ARRB1: variants seen among roughly 807,000 people sequenced by gnomAD.
ARRB1 encodes arrestin beta 1.
A neutral mutation model predicts 56.8 loss-of-function variants in ARRB1; 21 were observed. The ratio of observed to expected loss-of-function variants is 0.37; its 90% confidence interval spans 0.26 to 0.53. ARRB1 has a LOEUF of 0.53. Ranked by LOEUF, ARRB1 falls within the 20% of genes least tolerant of loss-of-function variation. ARRB1 has a pLI of 0.88. For missense variants in ARRB1, 424 were observed against 553.7 expected (o/e 0.77, Z 2.35); for synonymous variants, 210 against 218.6 (o/e 0.96, Z 0.35).
chr11:75,287,448 C>A, intron 2 of ARRB1, 73 bp from the exon 3 acceptor site: 7 of 1,476,572 alleles, frequency 4.7e-6, no homozygotes, highest in South Asian at 1.2e-5. Context: ...TTGGAGGAAA[C>A]CCTGCGGGCA....
intron 15 of ARRB1, 49 bp downstream of exon 15, chr11:75,267,603 G>GCCC: frequency 1.3e-4 from 96 of 736,774 alleles, no homozygotes; most frequent in Middle Eastern, 8.6e-4. Context: ...CCTCCACCCC[G>GCCC]CCCACCCGCG....
At chr11:75,270,233 C>T (rs1381483320) in intron 13 of ARRB1, among the ~76,000 whole-genome samples, 1 of 152,226 alleles carries the variant, frequency 6.6e-6, no homozygotes, top group Admixed American at 6.5e-5. Flanking sequence ...GTGATCCTAG[C>T]ACTTTGGGAG....
chr11:75,271,775 GGAA>G, intron 12 of ARRB1, 51 bp from the exon 13 acceptor site: 1 of 1,537,684 alleles, frequency 6.5e-7, no homozygotes, highest in Non-Finnish European at 8.8e-7. Flanking sequence ...AGTTCAGAGA[GGAA>G]GAAAACAAAA....
chr11:75,266,923 T>C (rs1945933780), intron 15 of ARRB1, among the ~76,000 whole-genome samples: 1 of 152,012 alleles, frequency 6.6e-6, no homozygotes, highest in South Asian at 2.1e-4. Context: ...GAGGCTTGAG[T>C]GGGGTTTCAG....
At chr11:75,312,004 C>A in intron 1 of ARRB1, 1 of 1,278,742 alleles carries the variant, frequency 7.8e-7, no homozygotes, top group Non-Finnish European at 1.0e-6. Context: ...TGACCGTTCT[C>A]GAAGGCCCAG....
intron 1 of ARRB1, among the ~76,000 whole-genome samples, chr11:75,342,759 T>G (rs1947710117): frequency 1.3e-5 from 2 of 152,088 alleles, no homozygotes; most frequent in Non-Finnish European, 2.9e-5. Flanking sequence ...GGCACCTATT[T>G]AGGAAGTAGG....
At chr11:75,297,268 G>GA (rs61232550) in intron 1 of ARRB1, among the ~76,000 whole-genome samples, 204 of 139,028 alleles carry the variant, frequency 1.5e-3, no homozygotes, top group Middle Eastern at 0.011. Flanking sequence ...AAACTATCTT[G>GA]AAAAAAAAAA....
chr11:75,306,448 G>A (rs903079015), intron 1 of ARRB1: 11 of 562,814 alleles, frequency 2.0e-5, no homozygotes, highest in South Asian at 3.0e-5. Flanking sequence ...AGGCTGGTGC[G>A]CAGGAAGCAC....
intron 1 of ARRB1, among the ~76,000 whole-genome samples, chr11:75,295,704 G>A (rs762815807): frequency 6.6e-6 from 1 of 152,188 alleles, no homozygotes; most frequent in African/African-American, 2.4e-5. Flanking sequence ...TCTTTGGCCT[G>A]CCATGCTCTC....
At chr11:75,298,731 T>A (rs1946821608) in intron 1 of ARRB1, among the ~76,000 whole-genome samples, 1 of 151,682 alleles carries the variant, frequency 6.6e-6, no homozygotes, top group African/African-American at 2.4e-5. Context: ...AACTTATGCA[T>A]AAATGTTTGT....
intron 14 of ARRB1, 28 bp from the exon 15 acceptor site, chr11:75,267,731 TC>T: frequency 6.4e-7 from 1 of 1,574,494 alleles, no homozygotes; most frequent in Non-Finnish European, 8.7e-7. Context: ...GGGCAGGGTG[TC>T]CAGGGATTAG....
chr11:75,267,920 C>T (rs1408932887), intron 14 of ARRB1, among the ~76,000 whole-genome samples: 1 of 152,220 alleles, frequency 6.6e-6, no homozygotes, highest in Non-Finnish European at 1.5e-5. Context: ...CCCGGATCCC[C>T]ACTGCAGCCC....
intron 1 of ARRB1, among the ~76,000 whole-genome samples, chr11:75,343,719 T>C (rs1453868947): frequency 6.6e-6 from 1 of 152,032 alleles, no homozygotes; most frequent in Non-Finnish European, 1.5e-5. Context: ...TAATAATCCA[T>C]GCTAATCAGA....
chr11:75,311,862 AC>A (rs1450786310), intron 1 of ARRB1, among the ~76,000 whole-genome samples: 2 of 151,848 alleles, frequency 1.3e-5, no homozygotes, highest in African/African-American at 4.8e-5. Flanking sequence ...GGCCTGTGAC[AC>A]CCTCCTCTCA....
chr11:75,276,951 T>G, intron 9 of ARRB1, 40 bp from the exon 10 acceptor site: 1 of 1,604,206 alleles, frequency 6.2e-7, no homozygotes, highest in East Asian at 2.2e-5. Flanking sequence ...GAGTCGGGAA[T>G]GTAGCTCCCA....
intron 10 of ARRB1, 85 bp from the exon 11 acceptor site, chr11:75,274,296 C>T: frequency 6.4e-7 from 1 of 1,551,192 alleles, no homozygotes; most frequent in Middle Eastern, 1.8e-4. Context: ...AATATCTAGT[C>T]TGAGCCTGCT....
chr11:75,335,157 G>A, intron 1 of ARRB1: 3 of 250,454 alleles, frequency 1.2e-5, no homozygotes, highest in South Asian at 8.7e-5. Flanking sequence ...CTTCACAAAG[G>A]CCCTGCCTCC....
chr11:75,262,188 G>A lies in ARRB1; in HGVS notation c.*3975C>T, dbSNP rs544806476. ...CTTGCCCTTAGATTTCTGCGGATGG[G>A]TGGTTTCAGCTCCCTGAGCCTGGGG... On this transcript the variant is annotated 3_prime_UTR_variant, in exon 16 of 16. Transcript: ENST00000420843. 1 of 152,358 alleles carries A rather than the reference G, an allele frequency of 6.6e-6. No individual in the cohort carries two copies. The highest frequency in any genetic ancestry group is 1.5e-5 in the Non-Finnish European group (1 of 68,046). The allele number at this position is 152,358 out of a possible 1,614,324, so 9.4% of individuals were successfully genotyped here. A position where few individuals can be genotyped will look rare whatever the true frequency, so the allele number is the denominator to read the frequency against.
chr11:75,283,627 C>T, intron 4 of ARRB1, 144 bp from the exon 5 acceptor site: 6 of 805,084 alleles, frequency 7.5e-6, no homozygotes, highest in Non-Finnish European at 1.1e-5. Flanking sequence ...ACTGTCTCCA[C>T]CAGGAGGGCT....
Sources: gnomAD v4.1 joint callset for allele counts (sites outside exome capture counted in the v4.1 genomes callset) on GRCh38, gnomAD v4.1.1 for gene constraint, MANE v1.5 for transcripts, NCBI Gene and HGNC (gene_info 2026-07-23, HGNC 2026-07-21) for gene names.